VTI1A: variants seen among roughly 807,000 people sequenced by gnomAD.
VTI1A encodes vesicle transport through interaction with t-SNAREs 1A, also known as vesicle transport through interaction with t-SNAREs homolog 1A.
VTI1A carries 22 observed loss-of-function variants against 34.9 expected under a neutral mutation model. The ratio of observed to expected loss-of-function variants is 0.63; its 90% CI spans 0.45 to 0.90. The LOEUF (loss-of-function observed/expected upper bound fraction) is 0.90, where lower values mean the gene tolerates loss of function less well. VTI1A is among the 40% of genes least tolerant of loss of function. The pLI is 0.00. For synonymous variants in VTI1A, 87 were observed against 97.3 expected (o/e 0.89, Z 0.62); for missense variants, 268 against 275.6 (o/e 0.97, Z 0.20).
chr10:112,693,461 C>G (rs1848674608), intron 7 of VTI1A, among the ~76,000 whole-genome samples: 1 of 152,106 alleles, frequency 6.6e-6, no homozygotes, highest in South Asian at 2.1e-4. Flanking sequence ...GCAGGAGAAT[C>G]TCTTGAACCC....
At position 112,572,798 on chromosome 10, in the gene VTI1A, C is replaced by T. The variant is rs191726185; in HGVS notation, c.427+34468C>T. Among the ~76,000 whole-genome samples, 10 of 150,160 alleles carry T rather than the reference C, an allele frequency of 6.7e-5. No homozygotes were observed. The East Asian group carries it at 1.6e-3, about 24-fold the overall frequency. Reference sequence around the variant, plus strand: ...AGCTTGCAGTGAGCCGAGATCGCGCCACTACACTCCAGACTGGGCGACAGA... The same window carrying T: ...AGCTTGCAGTGAGCCGAGATCGCGCTACTACACTCCAGACTGGGCGACAGA... On this transcript the variant is annotated intron_variant, in intron 5 of 7. Transcript: ENST00000393077.
intron 3 of VTI1A, among the ~76,000 whole-genome samples, chr10:112,500,732 A>T (rs1459988111): frequency 6.6e-6 from 1 of 152,152 alleles, no homozygotes; most frequent in African/African-American, 2.4e-5. Context: ...AAGGCCTCCT[A>T]TGATGGACCT....
intron 7 of VTI1A, among the ~76,000 whole-genome samples, chr10:112,682,818 T>C (rs982501868): frequency 6.6e-6 from 1 of 152,154 alleles, no homozygotes; most frequent in African/African-American, 2.4e-5. Flanking sequence ...TGGTGGGACA[T>C]TTGGAGAGCT....
intron 5 of VTI1A, among the ~76,000 whole-genome samples, chr10:112,661,424 A>G (rs1415565718): frequency 2.0e-5 from 3 of 152,106 alleles, no homozygotes; most frequent in Non-Finnish European, 4.4e-5. Context: ...CTGCTTTTAT[A>G]CTTATCCACA....
At chr10:112,597,581 C>T (rs1022600840) in intron 5 of VTI1A, among the ~76,000 whole-genome samples, 5 of 145,928 alleles carry the variant, frequency 3.4e-5, no homozygotes, top group African/African-American at 1.0e-4. Flanking sequence ...GTGGTACATG[C>T]CTATAGTCCT....
At chr10:112,609,351 A>T (rs1173915344) in intron 5 of VTI1A, among the ~76,000 whole-genome samples, 1 of 152,208 alleles carries the variant, frequency 6.6e-6, no homozygotes, top group Non-Finnish European at 1.5e-5. Context: ...CAAGATCATT[A>T]AAAATATGAA....
chr10:112,544,707 T>G (rs1851009750), intron 5 of VTI1A, among the ~76,000 whole-genome samples: 1 of 151,860 alleles, frequency 6.6e-6, no homozygotes, highest in African/African-American at 2.4e-5. Context: ...CCCTGTAAAC[T>G]GAGCCTTGAA....
At chr10:112,623,877 T>C (rs1033138048) in intron 5 of VTI1A, among the ~76,000 whole-genome samples, 1 of 152,198 alleles carries the variant, frequency 6.6e-6, no homozygotes, top group Non-Finnish European at 1.5e-5. Context: ...GAACTGATTA[T>C]AAACAGGTTA....
At chr10:112,814,496 C>T (rs1266877932) in intron 7 of VTI1A, among the ~76,000 whole-genome samples, 1 of 152,160 alleles carries the variant, frequency 6.6e-6, no homozygotes, top group African/African-American at 2.4e-5. Context: ...ATGAAACAAC[C>T]TCATCAGAAG....
chr10:112,720,555 C>T (rs999633494), intron 7 of VTI1A, among the ~76,000 whole-genome samples: 1 of 152,180 alleles, frequency 6.6e-6, no homozygotes, highest in Non-Finnish European at 1.5e-5. Flanking sequence ...TCTTTTGCCT[C>T]ACCTCAGGCA....
At chr10:112,791,598 A>G (rs1333031917) in intron 7 of VTI1A, among the ~76,000 whole-genome samples, 1 of 152,156 alleles carries the variant, frequency 6.6e-6, no homozygotes, top group African/African-American at 2.4e-5. Flanking sequence ...ATTGCTGCCA[A>G]GAAAACCAGT....
At chr10:112,507,003 T>C (rs1397991179) in intron 3 of VTI1A, among the ~76,000 whole-genome samples, 2 of 151,948 alleles carry the variant, frequency 1.3e-5, no homozygotes, top group African/African-American at 4.8e-5. Context: ...TTGTGTCAAG[T>C]ATTTGATGTA....
intron 5 of VTI1A, among the ~76,000 whole-genome samples, chr10:112,639,089 C>T (rs1476542669): frequency 6.6e-6 from 1 of 152,088 alleles, no homozygotes; most frequent in Non-Finnish European, 1.5e-5. Context: ...CTTACTTTTG[C>T]TCTGCTCATG....
the VTI1A span, chr10:112,826,977 T>C: frequency 6.6e-6 from 1 of 152,238 alleles, no homozygotes; most frequent in East Asian, 1.9e-4. Flanking sequence ...TAAGATTTCA[T>C]ACTCGATAGT....
In VTI1A at chr10:112,491,853, A is replaced by T. The variant is rs1848835408; in HGVS notation, c.264+27196A>T. On this transcript the variant is annotated intron_variant, in intron 3 of 7. Transcript: ENST00000393077. ...AACTATGCCAAACCACTTTTCCAGGAGCCTGTTGGGCATAAAAATAAAGGT... is the reference window on the plus strand; with the variant it reads ...AACTATGCCAAACCACTTTTCCAGGTGCCTGTTGGGCATAAAAATAAAGGT... Among the ~76,000 whole-genome samples, 3 of 152,316 alleles carry T rather than the reference A, an allele frequency of 2.0e-5. No individual in the cohort carries two copies. The South Asian group carries it at 6.2e-4, about 32-fold the overall frequency.
chr10:112,579,351 T>C (rs930312293), intron 5 of VTI1A, among the ~76,000 whole-genome samples: 2 of 152,206 alleles, frequency 1.3e-5, no homozygotes, highest in Non-Finnish European at 2.9e-5. Flanking sequence ...TTTTAAATGA[T>C]AAGAAAATAT....
chr10:112,462,242 T>C (rs758740964), intron 2 of VTI1A, among the ~76,000 whole-genome samples: 6 of 152,240 alleles, frequency 3.9e-5, no homozygotes, highest in Non-Finnish European at 5.9e-5. Flanking sequence ...CTGATTTGTA[T>C]TAGTCTCTTG....
intron 3 of VTI1A, among the ~76,000 whole-genome samples, chr10:112,520,639 G>GTC: frequency 7.8e-6 from 1 of 128,232 alleles, no homozygotes; most frequent in East Asian, 2.8e-4. Flanking sequence ...GTGTGTGTGT[G>GTC]TGTGTGTGTA....
chr10:112,549,729 A>G (rs535131381), intron 5 of VTI1A, among the ~76,000 whole-genome samples: 14 of 152,242 alleles, frequency 9.2e-5, no homozygotes, highest in Admixed American at 5.9e-4. Flanking sequence ...TAATGCTGAG[A>G]AGAATTACTT....
Sources: gnomAD v4.1 joint callset for allele counts (sites outside exome capture counted in the v4.1 genomes callset) on GRCh38, gnomAD v4.1.1 for gene constraint, MANE v1.5 for transcripts, NCBI Gene and HGNC (gene_info 2026-07-23, HGNC 2026-07-21) for gene names.